The following HS3ST5 variants were observed in gnomAD, a reference collection of about 807,000 sequenced individuals.
The protein encoded by HS3ST5 is heparan sulfate glucosamine 3-O-sulfotransferase 5.
Under a neutral mutation model 25.4 loss-of-function variants are expected in HS3ST5, and 10 were observed. The observed-to-expected ratio is 0.39, with a 90% CI of 0.24 to 0.67. The LOEUF is 0.67. Ranked by LOEUF, HS3ST5 falls within the 30% of genes least tolerant of loss-of-function variation. The pLI is 0.44. For synonymous variants in HS3ST5, 170 were observed against 162.4 expected (o/e 1.05, Z -0.36); for missense variants, 324 against 420.7 (o/e 0.77, Z 2.01).
intron 3 of HS3ST5, among the ~76,000 whole-genome samples, chr6:114,149,950 G>A (rs1475227673): frequency 6.6e-6 from 1 of 152,108 alleles, no homozygotes; most frequent in Non-Finnish European, 1.5e-5. Flanking sequence ...AGGCTTAAAA[G>A]AGTTTCCCTT....
chr6:114,200,294 C>T (rs1239520266), intron 2 of HS3ST5, among the ~76,000 whole-genome samples: 6 of 152,184 alleles, frequency 3.9e-5, no homozygotes, highest in Non-Finnish European at 7.4e-5. Context: ...CACAGATGAT[C>T]ACCCCATAGT....
At chr6:114,085,251 T>C (rs1477304640) in intron 3 of HS3ST5, among the ~76,000 whole-genome samples, 2 of 152,192 alleles carry the variant, frequency 1.3e-5, no homozygotes, top group Non-Finnish European at 2.9e-5. Flanking sequence ...AAACTTTATT[T>C]GTGGTATCTT....
intron 3 of HS3ST5, among the ~76,000 whole-genome samples, chr6:114,096,287 G>A (rs572903493): frequency 6.6e-6 from 1 of 152,262 alleles, no homozygotes; most frequent in South Asian, 2.1e-4. Context: ...GGCTGCCTCA[G>A]TGATAATGCA....
At chr6:114,266,538 T>C (rs1318843465) in intron 1 of HS3ST5, among the ~76,000 whole-genome samples, 1 of 152,200 alleles carries the variant, frequency 6.6e-6, no homozygotes, top group East Asian at 1.9e-4. Context: ...ATTGTCACTT[T>C]TTATTTTAAA....
At chr6:114,272,502 T>C (rs544600017) in intron 1 of HS3ST5, among the ~76,000 whole-genome samples, 1 of 152,244 alleles carries the variant, frequency 6.6e-6, no homozygotes, top group South Asian at 2.1e-4. Context: ...TAATGTTGCA[T>C]TAGATGTTGG....
chr6:114,209,368 C>CT (rs1261583065), intron 2 of HS3ST5, among the ~76,000 whole-genome samples: 2 of 151,454 alleles, frequency 1.3e-5, no homozygotes, highest in South Asian at 2.1e-4. Context: ...TTTATACCTT[C>CT]TTTTTTTAAC....
At chr6:114,224,305 A>G (rs772331144) in intron 2 of HS3ST5, among the ~76,000 whole-genome samples, 1 of 151,664 alleles carries the variant, frequency 6.6e-6, no homozygotes, top group Admixed American at 6.6e-5. Flanking sequence ...TGACAGAAAC[A>G]TACTGTCACA....
chr6:114,264,517 A>G (rs1773319654), intron 1 of HS3ST5, among the ~76,000 whole-genome samples: 1 of 142,128 alleles, frequency 7.0e-6, no homozygotes, highest in Non-Finnish European at 1.6e-5. Context: ...TTGATTTTTG[A>G]TTATGAGTGA....
intron 2 of HS3ST5, among the ~76,000 whole-genome samples, chr6:114,188,268 C>T (rs944830428): frequency 6.6e-6 from 1 of 152,090 alleles, no homozygotes; most frequent in Non-Finnish European, 1.5e-5. Context: ...TTTTTTTGGC[C>T]TCCCTCTACA....
intron 2 of HS3ST5, among the ~76,000 whole-genome samples, chr6:114,189,101 G>A (rs1017975550): frequency 1.3e-5 from 2 of 151,820 alleles, no homozygotes; most frequent in Admixed American, 1.3e-4. Context: ...TGTATATAAG[G>A]CAAAATTTTC....
chr6:114,194,662 AC>A (rs1246077257), intron 2 of HS3ST5, among the ~76,000 whole-genome samples: 7 of 152,194 alleles, frequency 4.6e-5, no homozygotes, highest in East Asian at 3.9e-4. Flanking sequence ...CCCCTGCTTT[AC>A]CCTTTGACAT....
intron 2 of HS3ST5, among the ~76,000 whole-genome samples, chr6:114,191,585 A>G (rs1337295636): frequency 3.3e-5 from 5 of 152,130 alleles, no homozygotes; most frequent in Admixed American, 1.3e-4. Flanking sequence ...AGTGGCAGAG[A>G]CTTTATCTTC....
At chr6:114,222,696 A>G (rs778464187) in intron 2 of HS3ST5, among the ~76,000 whole-genome samples, 1 of 151,872 alleles carries the variant, frequency 6.6e-6, no homozygotes, top group Non-Finnish European at 1.5e-5. Flanking sequence ...GAACAAAGTG[A>G]GTTACCTGAG....
intron 3 of HS3ST5, among the ~76,000 whole-genome samples, chr6:114,115,352 G>C (rs959180801): frequency 1.3e-5 from 2 of 152,096 alleles, no homozygotes; most frequent in African/African-American, 2.4e-5. Context: ...AGTATGTCTA[G>C]CATGAAGTTA....
chr6:114,118,271 G>A (rs942180406), intron 3 of HS3ST5, among the ~76,000 whole-genome samples: 1 of 152,084 alleles, frequency 6.6e-6, no homozygotes, highest in African/African-American at 2.4e-5. Context: ...ATAAGTCACA[G>A]CTAGGTATAA....
intron 3 of HS3ST5, among the ~76,000 whole-genome samples, chr6:114,130,910 G>A (rs1364724477): frequency 6.6e-6 from 1 of 152,120 alleles, no homozygotes; most frequent in East Asian, 1.9e-4. Context: ...GCATGGTGGT[G>A]CACCCTTGTA....
chr6:114,103,464 A>G (rs1458727023), intron 3 of HS3ST5, among the ~76,000 whole-genome samples: 1 of 152,210 alleles, frequency 6.6e-6, no homozygotes, highest in Non-Finnish European at 1.5e-5. Flanking sequence ...AAATAATTGT[A>G]TAGATGATTA....
intron 2 of HS3ST5, among the ~76,000 whole-genome samples, chr6:114,171,925 T>C (rs1043138093): frequency 2.0e-5 from 3 of 152,186 alleles, no homozygotes; most frequent in African/African-American, 7.2e-5. Context: ...CCCCCAATCT[T>C]AGTGTCCTTT....
intron 1 of HS3ST5, among the ~76,000 whole-genome samples, chr6:114,270,111 G>A (rs1276497988): frequency 2.0e-5 from 3 of 152,172 alleles, no homozygotes; most frequent in African/African-American, 4.8e-5. Flanking sequence ...GTCTGTGGAC[G>A]ATGTCAGGAA....
Sources: allele counts gnomAD v4.1 joint callset (sites outside exome capture counted in the v4.1 genomes callset), GRCh38; gene constraint gnomAD v4.1.1; transcripts MANE v1.5; gene names NCBI Gene and HGNC (gene_info 2026-07-23, HGNC 2026-07-21).